The following TOX3 variants were observed in gnomAD, a reference collection of about 807,000 sequenced individuals.
TOX3 encodes TOX high mobility group box family member 3.
TOX3 carries 22 observed loss-of-function variants against 64.3 expected under a neutral mutation model. That is an observed-to-expected ratio of 0.34 (90% CI 0.24 to 0.49). TOX3 has a LOEUF of 0.49. Among genes scored for constraint, TOX3 ranks in the 20% least tolerant of loss-of-function variants. The pLI is 0.99. For synonymous variants in TOX3, 291 were observed against 273.6 expected, an observed-to-expected ratio of 1.06 and a Z score of -0.63; for missense variants, 661 against 714.4, an observed-to-expected ratio of 0.93 and a Z score of 0.85.
chr16:52,538,948 A>G (rs1040078538), intron 1 of TOX3, among the ~76,000 whole-genome samples: 1 of 152,146 alleles, frequency 6.6e-6, no homozygotes, highest in Admixed American at 6.5e-5. Context: ...TCTACTCCTT[A>G]TATTTTTAAA....
chr16:52,519,419 G>GTT, intron 1 of TOX3: 7 of 1,551,528 alleles, frequency 4.5e-6, no homozygotes, highest in Non-Finnish European at 6.1e-6. Context: ...CAGATAGGTA[G>GTT]TTATCAGGTA....
upstream of TOX3, chr16:52,547,793 G>C (rs528157611): frequency 3.9e-5 from 6 of 152,190 alleles, no homozygotes; most frequent in African/African-American, 1.4e-4. Flanking sequence ...GTGAAGCCTC[G>C]TGTCGGTTCT....
intron 1 of TOX3, among the ~76,000 whole-genome samples, chr16:52,517,167 T>C (rs554621211): frequency 6.6e-6 from 1 of 152,256 alleles, no homozygotes; most frequent in Admixed American, 6.5e-5. Context: ...ATAACTATCA[T>C]TTACCAACAT....
chr16:52,464,210 G>GTATC, intron 2 of TOX3, 22 bp from the exon 3 acceptor site: 1 of 1,480,192 alleles, frequency 6.8e-7, no homozygotes, highest in South Asian at 1.5e-5. Context: ...CAAAATACAG[G>GTATC]TATCTTCATA....
intron 1 of TOX3, among the ~76,000 whole-genome samples, chr16:52,484,491 A>C (rs890146267): frequency 2.6e-5 from 4 of 152,180 alleles, no homozygotes; most frequent in Admixed American, 1.3e-4. Flanking sequence ...ATTAATCTCC[A>C]TCGGCATGAA....
At chr16:52,456,088 C>T (rs1167255449) in intron 3 of TOX3, among the ~76,000 whole-genome samples, 2 of 152,086 alleles carry the variant, frequency 1.3e-5, no homozygotes, top group African/African-American at 2.4e-5. Context: ...GGCTATGAGG[C>T]TGGAACGGCA....
chr16:52,477,266 T>C (rs973098683), intron 1 of TOX3, among the ~76,000 whole-genome samples: 5 of 152,138 alleles, frequency 3.3e-5, no homozygotes, highest in African/African-American at 7.2e-5. Context: ...CTGGAGGAGA[T>C]GGTAGAAAGC....
chr16:52,537,407 T>C (rs1230823699), intron 1 of TOX3, among the ~76,000 whole-genome samples: 2 of 152,154 alleles, frequency 1.3e-5, no homozygotes, highest in Non-Finnish European at 2.9e-5. Flanking sequence ...AAGAAGGGCG[T>C]TCCTAATATA....
intron 3 of TOX3, 84 bp downstream of exon 3, chr16:52,463,849 AC>A: frequency 3.5e-6 from 5 of 1,432,240 alleles, no homozygotes; most frequent in Non-Finnish European, 4.6e-6. Context: ...AGGCAAGAGC[AC>A]GTTTCAGAAC....
chr16:52,468,603 A>G (rs1218923090), intron 1 of TOX3, 29 bp from the exon 2 acceptor site: 1 of 1,532,026 alleles, frequency 6.5e-7, no homozygotes, highest in African/African-American at 1.4e-5. Context: ...TTTTACGTTA[A>G]TATGCGGCAT....
intron 1 of TOX3, among the ~76,000 whole-genome samples, chr16:52,495,461 C>T (rs1961821482): frequency 6.6e-6 from 1 of 152,170 alleles, no homozygotes; most frequent in South Asian, 2.1e-4. Context: ...GGAAGGCAGA[C>T]CTTAATAACA....
chr16:52,479,095 G>A (rs930387590), intron 1 of TOX3, among the ~76,000 whole-genome samples: 14 of 152,312 alleles, frequency 9.2e-5, no homozygotes, highest in African/African-American at 2.4e-4. Flanking sequence ...CAGGTACTAC[G>A]TGGAGGAGGT....
chr16:52,509,990 GA>G (rs1962259423), intron 1 of TOX3, among the ~76,000 whole-genome samples: 1 of 152,054 alleles, frequency 6.6e-6, no homozygotes, highest in African/African-American at 2.4e-5. Context: ...CCAGAAACCA[GA>G]GATATTTGCT....
chr16:52,449,976 T>A (rs1483824878), intron 4 of TOX3, among the ~76,000 whole-genome samples: 1 of 152,228 alleles, frequency 6.6e-6, no homozygotes, highest in African/African-American at 2.4e-5. Context: ...TTCTGGAAAT[T>A]TGTAGCAGGG....
chr16:52,496,539 C>T (rs1961854290), intron 1 of TOX3, among the ~76,000 whole-genome samples: 1 of 152,196 alleles, frequency 6.6e-6, no homozygotes, highest in South Asian at 2.1e-4. Context: ...AGACAGGTGA[C>T]AATTCTGTTC....
chr16:52,445,201 T>A (rs892149860), intron 5 of TOX3: 1 of 152,236 alleles, frequency 6.6e-6, no homozygotes, highest in Non-Finnish European at 1.5e-5. Flanking sequence ...TAGGAATGAG[T>A]TCCTGAAATA....
chr16:52,502,189 C>A (rs900364516), intron 1 of TOX3, among the ~76,000 whole-genome samples: 1 of 152,126 alleles, frequency 6.6e-6, no homozygotes, highest in African/African-American at 2.4e-5. Context: ...CTGTATGCAG[C>A]ACCAGGAACA....
intron 1 of TOX3, among the ~76,000 whole-genome samples, chr16:52,500,191 A>C (rs1361090797): frequency 6.6e-6 from 1 of 152,242 alleles, no homozygotes; most frequent in Non-Finnish European, 1.5e-5. Context: ...ACATCGCATC[A>C]AATGTTACTC....
intron 1 of TOX3, among the ~76,000 whole-genome samples, chr16:52,523,464 G>T (rs1006832430): frequency 6.6e-6 from 1 of 152,130 alleles, no homozygotes; most frequent in South Asian, 2.1e-4. Flanking sequence ...AATAGCCATC[G>T]ACATCTAGTT....
Sources: gnomAD v4.1 joint callset for allele counts (sites outside exome capture counted in the v4.1 genomes callset) on GRCh38, gnomAD v4.1.1 for gene constraint, MANE v1.5 for transcripts, NCBI Gene and HGNC (gene_info 2026-07-23, HGNC 2026-07-21) for gene names.